ST6GALNAC3: variants seen among roughly 807,000 people sequenced by gnomAD.
ST6GALNAC3 encodes the protein ST6 N-acetylgalactosaminide alpha-2,6-sialyltransferase 3, also known as alpha-N-acetylgalactosaminide alpha-2,6-sialyltransferase 3.
A neutral mutation model predicts 32.7 loss-of-function variants in ST6GALNAC3; 25 were observed. That is an observed-to-expected ratio of 0.76 (90% CI 0.56 to 1.07). The LOEUF (loss-of-function observed/expected upper bound fraction) is 1.07, where lower values mean the gene tolerates loss of function less well. Ranked by LOEUF, ST6GALNAC3 falls within the 50% of genes least tolerant of loss-of-function variation. The probability of loss-of-function intolerance (pLI) is 0.00; values close to 1 mark genes in which losing one functional copy is unlikely to be tolerated. For synonymous variants in ST6GALNAC3, 129 were observed against 133.1 expected (o/e 0.97, Z 0.21); for missense variants, 355 against 382.4 (o/e 0.93, Z 0.60).
chr1:76,634,662 C>G (rs201969503), downstream of ST6GALNAC3: 1 of 150,440 alleles, frequency 6.6e-6, no homozygotes, highest in African/African-American at 2.4e-5. Context: ...GTTAATAAAG[C>G]CAGAGGGAAA....
intron 1 of ST6GALNAC3, among the ~76,000 whole-genome samples, chr1:76,181,108 T>G (rs1557677616): frequency 6.6e-6 from 1 of 152,198 alleles, no homozygotes; most frequent in East Asian, 1.9e-4. Context: ...CCCCTGCACC[T>G]GTCCGTCTGC....
intron 3 of ST6GALNAC3, among the ~76,000 whole-genome samples, chr1:76,529,630 G>A (rs1445392051): frequency 2.0e-5 from 3 of 152,158 alleles, no homozygotes; most frequent in African/African-American, 7.2e-5. Context: ...GATGGAATAT[G>A]TATGCAACTT....
chr1:76,494,743 G>GCACACACACACACACA (rs34912507), intron 3 of ST6GALNAC3, among the ~76,000 whole-genome samples: 16 of 130,408 alleles, frequency 1.2e-4, no homozygotes, highest in African/African-American at 4.7e-4. Context: ...TCATGTGTAT[G>GCACACACACACACACA]CACACACACA....
chr1:76,570,442 C>T (rs918094728), intron 3 of ST6GALNAC3, among the ~76,000 whole-genome samples: 1 of 151,814 alleles, frequency 6.6e-6, no homozygotes, highest in Non-Finnish European at 1.5e-5. Context: ...TTAATTCAAT[C>T]CATCTTTTCT....
At chr1:76,601,132 G>A (rs531528469) in intron 3 of ST6GALNAC3, among the ~76,000 whole-genome samples, 16 of 152,112 alleles carry the variant, frequency 1.1e-4, no homozygotes, top group African/African-American at 3.6e-4. Flanking sequence ...GGGAAGTGGA[G>A]GTTTACAGTG....
At chr1:76,078,369 C>A (rs1193054960) in intron 1 of ST6GALNAC3, among the ~76,000 whole-genome samples, 1 of 152,196 alleles carries the variant, frequency 6.6e-6, no homozygotes, top group African/African-American at 2.4e-5. Flanking sequence ...GAACTATCCC[C>A]TCAAGGTGCT....
At chr1:76,575,866 G>A (rs917955285) in intron 3 of ST6GALNAC3, among the ~76,000 whole-genome samples, 4 of 151,976 alleles carry the variant, frequency 2.6e-5, no homozygotes, top group African/African-American at 9.7e-5. Flanking sequence ...GTTAAAAGCT[G>A]TGTGTCAGAT....
At chr1:76,286,269 G>T (rs1390779567) in intron 1 of ST6GALNAC3, among the ~76,000 whole-genome samples, 1 of 152,148 alleles carries the variant, frequency 6.6e-6, no homozygotes, top group Admixed American at 6.5e-5. Context: ...AGAAGCTTTG[G>T]GAGAAAGGTA....
chr1:76,327,563 A>G (rs1481759670), intron 2 of ST6GALNAC3, among the ~76,000 whole-genome samples: 1 of 152,190 alleles, frequency 6.6e-6, no homozygotes, highest in Non-Finnish European at 1.5e-5. Context: ...ACTGACATAA[A>G]TGTTAATCTC....
At chr1:76,169,384 T>G (rs1243036692) in intron 1 of ST6GALNAC3, among the ~76,000 whole-genome samples, 1 of 152,188 alleles carries the variant, frequency 6.6e-6, no homozygotes, top group Non-Finnish European at 1.5e-5. Flanking sequence ...TTTAACATTT[T>G]TCCTTTCATT....
intron 3 of ST6GALNAC3, among the ~76,000 whole-genome samples, chr1:76,602,581 TA>T (rs924406545): frequency 1.5e-3 from 224 of 151,312 alleles, no homozygotes; most frequent in African/African-American, 5.1e-3. Flanking sequence ...ATATGCTCGT[TA>T]AAAAAAAATC....
chr1:76,368,720 CA>C (rs1650581954), intron 2 of ST6GALNAC3, among the ~76,000 whole-genome samples: 1 of 152,176 alleles, frequency 6.6e-6, no homozygotes, highest in South Asian at 2.1e-4. Context: ...ATAATTCTAG[CA>C]GGTGAAATTA....
intron 3 of ST6GALNAC3, among the ~76,000 whole-genome samples, chr1:76,556,924 G>C (rs12067514): frequency 6.6e-6 from 1 of 151,522 alleles, no homozygotes; most frequent in Non-Finnish European, 1.5e-5. Flanking sequence ...TTTTAGTGTC[G>C]TATTTAAAAA....
At chr1:76,326,167 G>A (rs1350858125) in intron 2 of ST6GALNAC3, among the ~76,000 whole-genome samples, 1 of 152,146 alleles carries the variant, frequency 6.6e-6, no homozygotes, top group Non-Finnish European at 1.5e-5. Context: ...TGTTTCATGT[G>A]TCTCTCTTCA....
At chr1:76,475,642 T>C (rs1387174245) in intron 3 of ST6GALNAC3, among the ~76,000 whole-genome samples, 2 of 152,210 alleles carry the variant, frequency 1.3e-5, no homozygotes. Context: ...ACAAGTGTCA[T>C]TAAGATTTCT....
chr1:76,373,503 T>C (rs1650993481), intron 2 of ST6GALNAC3, among the ~76,000 whole-genome samples: 1 of 152,186 alleles, frequency 6.6e-6, no homozygotes, highest in African/African-American at 2.4e-5. Flanking sequence ...AAGCTTCGTC[T>C]TCTACACCTT....
intron 1 of ST6GALNAC3, among the ~76,000 whole-genome samples, chr1:76,144,765 T>C (rs561798514): frequency 6.6e-6 from 1 of 152,334 alleles, no homozygotes; most frequent in African/African-American, 2.4e-5. Flanking sequence ...TAGATGACAG[T>C]TGTGTCCTGA....
intron 2 of ST6GALNAC3, among the ~76,000 whole-genome samples, chr1:76,365,780 T>A (rs1650317820): frequency 6.6e-6 from 1 of 152,168 alleles, no homozygotes; most frequent in Non-Finnish European, 1.5e-5. Context: ...ATAAACAAAG[T>A]CATTTACCCT....
At chr1:76,177,873 C>T (rs1397861050) in intron 1 of ST6GALNAC3, among the ~76,000 whole-genome samples, 1 of 152,068 alleles carries the variant, frequency 6.6e-6, no homozygotes, top group Non-Finnish European at 1.5e-5. Context: ...TCTTGAGTGA[C>T]GGGGCCATTT....
Sources: allele counts gnomAD v4.1 joint callset (sites outside exome capture counted in the v4.1 genomes callset), GRCh38; gene constraint gnomAD v4.1.1; transcripts MANE v1.5; gene names NCBI Gene and HGNC (gene_info 2026-07-23, HGNC 2026-07-21).